Variants in PTPRN2 observed in about 807,000 individuals in gnomAD.
The protein encoded by PTPRN2 is receptor-type tyrosine-protein phosphatase N2.
PTPRN2 carries 74 observed loss-of-function variants against 118.8 expected under a neutral mutation model. The ratio of observed to expected loss-of-function variants is 0.62; its 90% CI spans 0.52 to 0.76. PTPRN2 has a LOEUF of 0.76. Ranked by LOEUF, PTPRN2 falls within the 30% of genes least tolerant of loss-of-function variation. The pLI, the probability that PTPRN2 is intolerant of heterozygous loss-of-function variation, is 0.00. For missense variants in PTPRN2, 1,481 were observed against 1,394.4 expected, an observed-to-expected ratio of 1.06 and a Z score of -0.99; for synonymous variants, 641 against 608.0, an observed-to-expected ratio of 1.05 and a Z score of -0.80.
At chr7:158,388,269 C>T (rs2151372482) in intron 2 of PTPRN2, among the ~76,000 whole-genome samples, 1 of 152,258 alleles carries the variant, frequency 6.6e-6, no homozygotes, top group African/African-American at 2.4e-5. Flanking sequence ...CACGTCAATC[C>T]CGGCACCAAG....
intron 11 of PTPRN2, among the ~76,000 whole-genome samples, chr7:158,013,290 T>A (rs1039147784): frequency 6.6e-6 from 1 of 152,180 alleles, no homozygotes; most frequent in African/African-American, 2.4e-5. Flanking sequence ...ACTTGGCAAG[T>A]TTCCAAGAGA....
At chr7:158,368,810 G>A (rs1489389573) in intron 2 of PTPRN2, among the ~76,000 whole-genome samples, 1 of 152,228 alleles carries the variant, frequency 6.6e-6, no homozygotes, top group Admixed American at 6.5e-5. Flanking sequence ...ATTTTAGGAC[G>A]AGAGCTCTGC....
intron 11 of PTPRN2, among the ~76,000 whole-genome samples, chr7:158,006,625 T>C (rs1021291381): frequency 8.5e-5 from 13 of 152,174 alleles, no homozygotes; most frequent in African/African-American, 3.1e-4. Context: ...ATGGCTTCCT[T>C]AAGGGCCATC....
intron 3 of PTPRN2, among the ~76,000 whole-genome samples, chr7:158,290,106 G>T (rs1353299215): frequency 6.6e-6 from 1 of 152,000 alleles, no homozygotes; most frequent in African/African-American, 2.4e-5. Flanking sequence ...TTGAATTTGT[G>T]GGGGTGAGCC....
chr7:158,458,088 G>A (rs1818669237), intron 2 of PTPRN2, among the ~76,000 whole-genome samples: 1 of 152,200 alleles, frequency 6.6e-6, no homozygotes, highest in Non-Finnish European at 1.5e-5. Flanking sequence ...GCAGTGCCCA[G>A]GGTTCCATTA....
chr7:157,884,234 T>A (rs1431149454), intron 12 of PTPRN2, among the ~76,000 whole-genome samples: 1 of 152,110 alleles, frequency 6.6e-6, no homozygotes, highest in Non-Finnish European at 1.5e-5. Flanking sequence ...CACCCCAAAA[T>A]GACTGTCAGA....
intron 3 of PTPRN2, among the ~76,000 whole-genome samples, chr7:158,215,333 T>C (rs1044265097): frequency 5.3e-5 from 8 of 151,690 alleles, no homozygotes. Context: ...ACAGAGAAAA[T>C]AGTAGAAAAA....
intron 2 of PTPRN2, among the ~76,000 whole-genome samples, chr7:158,435,345 C>T (rs1338090788): frequency 6.6e-6 from 1 of 151,942 alleles, no homozygotes; most frequent in Non-Finnish European, 1.5e-5. Flanking sequence ...AGGTATACAA[C>T]AAAAATGCTC....
intron 12 of PTPRN2, among the ~76,000 whole-genome samples, chr7:157,793,711 C>T (rs990544241): frequency 6.6e-6 from 1 of 152,118 alleles, no homozygotes; most frequent in South Asian, 2.1e-4. Flanking sequence ...TAGGAGACAC[C>T]GTCCCCCAGG....
intron 6 of PTPRN2, among the ~76,000 whole-genome samples, chr7:158,149,803 C>CAAAA (rs33958927): frequency 8.2e-6 from 1 of 121,684 alleles, no homozygotes; most frequent in African/African-American, 3.2e-5. Flanking sequence ...GAGTCCATCT[C>CAAAA]AAAAAAAAAA....
chr7:158,376,463 G>C (rs1810522014), intron 2 of PTPRN2, among the ~76,000 whole-genome samples: 1 of 140,298 alleles, frequency 7.1e-6, no homozygotes, highest in Admixed American at 7.2e-5. Flanking sequence ...CCACATCCCT[G>C]TCACACGTCC....
At chr7:158,290,499 C>G (rs781309916) in intron 3 of PTPRN2, among the ~76,000 whole-genome samples, 1 of 152,146 alleles carries the variant, frequency 6.6e-6, no homozygotes, top group Non-Finnish European at 1.5e-5. Flanking sequence ...ATGATCCTAC[C>G]TGGTATTGGG....
chr7:158,347,154 C>T (rs1267900156), intron 2 of PTPRN2, among the ~76,000 whole-genome samples: 1 of 152,046 alleles, frequency 6.6e-6, no homozygotes, highest in East Asian at 1.9e-4. Flanking sequence ...CTTTGGGGAT[C>T]AAATAAAAAA....
intron 2 of PTPRN2, among the ~76,000 whole-genome samples, chr7:158,393,132 G>A (rs1416077259): frequency 6.6e-6 from 1 of 152,188 alleles, no homozygotes; most frequent in Non-Finnish European, 1.5e-5. Context: ...CTGGAAAGGA[G>A]ACTGGGCAGG....
intron 11 of PTPRN2, chr7:158,029,580 A>C (rs1283134873): frequency 6.6e-6 from 1 of 152,418 alleles, no homozygotes; most frequent in Non-Finnish European, 1.5e-5. Flanking sequence ...GGCCCTGCCC[A>C]TCCACACAGC....
rs139727909 is a variant in PTPRN2, at chr7:157,916,333, G to A, written c.1724-17596C>T. ...CTGGTGGTTATGGTCCCAGATGGGCGGCTGGAGCCTCTGGGAGGTGTTGGC... is the reference window on the plus strand; with the variant it reads ...CTGGTGGTTATGGTCCCAGATGGGCAGCTGGAGCCTCTGGGAGGTGTTGGC... On this transcript the variant is annotated intron_variant, in intron 11 of 22. Transcript: ENST00000389418. Among the ~76,000 whole-genome samples the A allele has an allele frequency of 7.2e-5, 11 of 152,308 alleles. No homozygotes were observed. The South Asian group carries it at 8.3e-4, about 11-fold the overall frequency.
chr7:158,046,534 G>A (rs376613521), intron 11 of PTPRN2, among the ~76,000 whole-genome samples: 40 of 152,302 alleles, frequency 2.6e-4, no homozygotes, highest in Middle Eastern at 3.4e-3. Flanking sequence ...AGGCAATCCC[G>A]CGATTTCTCA....
intron 12 of PTPRN2, among the ~76,000 whole-genome samples, chr7:157,782,273 G>A (rs1184119642): frequency 6.6e-6 from 1 of 152,244 alleles, no homozygotes; most frequent in Non-Finnish European, 1.5e-5. Flanking sequence ...CCCTGGCACA[G>A]GCTCCAGTCA....
At chr7:158,341,561 A>T (rs1201494595) in intron 2 of PTPRN2, among the ~76,000 whole-genome samples, 21 of 121,902 alleles carry the variant, frequency 1.7e-4, no homozygotes, top group South Asian at 3.7e-4. Flanking sequence ...GACGTCACTC[A>T]CACCCACACT....
Sources: allele counts gnomAD v4.1 joint callset (sites outside exome capture counted in the v4.1 genomes callset), GRCh38; gene constraint gnomAD v4.1.1; transcripts MANE v1.5; gene names NCBI Gene and HGNC (gene_info 2026-07-23, HGNC 2026-07-21).